CNTN4: variants seen among roughly 807,000 people sequenced by gnomAD.
The protein encoded by CNTN4 is contactin 4.
In CNTN4, 77 loss-of-function variants were observed where a neutral mutation model predicts 122.5. The observed-to-expected ratio is 0.63, with a 90% CI of 0.52 to 0.76. The LOEUF (loss-of-function observed/expected upper bound fraction) is 0.76, where lower values mean the gene tolerates loss of function less well. Ranked by LOEUF, CNTN4 falls within the 30% of genes least tolerant of loss-of-function variation. CNTN4 has a pLI of 0.00. For synonymous variants in CNTN4, 512 were observed against 447.0 expected, an observed-to-expected ratio of 1.15 and a Z score of -1.83; for missense variants, 1,256 against 1,259.1, an observed-to-expected ratio of 1.00 and a Z score of 0.04.
At chr3:2,859,538 G>GTT (rs34103613) in intron 7 of CNTN4, among the ~76,000 whole-genome samples, 75 of 146,314 alleles carry the variant, frequency 5.1e-4, no homozygotes, top group East Asian at 1.4e-3. Flanking sequence ...TGCTTTCCTG[G>GTT]TTTTTTTTTT....
Position 2,287,694 on chromosome 3 carries a change from GA to G in CNTN4, c.-144-51482del, listed in dbSNP as rs1559415791. 4.9e-4 allele frequency among the ~76,000 whole-genome samples: 30 copies of G among 61,816 alleles called. 1 individual carries two copies. Among genetic ancestry groups the G allele is most frequent in the African/African-American group, 8.2e-4 (13 of 15,758 alleles). 40.6% of individuals were successfully genotyped at this position (61,816 alleles called of 152,430 possible). ...AGAAGAAGAAGAAGAAGAAGAAGAG[GA>G]AGAAGAAGAAGAAGAGGAAGAAGAA... On this transcript the variant is annotated intron_variant, in intron 2 of 24. Coordinates refer to ENST00000418658, the MANE Select transcript of CNTN4 (RefSeq NM_175607.3).
chr3:2,868,034 T>G (rs979396021), intron 8 of CNTN4, among the ~76,000 whole-genome samples: 5 of 152,128 alleles, frequency 3.3e-5, no homozygotes, highest in Admixed American at 6.5e-5. Context: ...ATGTTCAGGT[T>G]TCTATTCTTT....
chr3:2,197,397 G>A (rs968068674), intron 2 of CNTN4, among the ~76,000 whole-genome samples: 10 of 152,324 alleles, frequency 6.6e-5, no homozygotes, highest in Admixed American at 6.5e-5. Context: ...GAAAGAATCC[G>A]TATGAATTAT....
intron 4 of CNTN4, among the ~76,000 whole-genome samples, chr3:2,725,907 C>T (rs1406307383): frequency 6.6e-6 from 1 of 152,128 alleles, no homozygotes; most frequent in African/African-American, 2.4e-5. Flanking sequence ...TGGTGTGTAC[C>T]TTTCTATGCA....
rs1158340857 is a variant in CNTN4 at position 2,192,237 on chromosome 3, G to A, written c.-145+91598G>A. 5.3e-5 allele frequency among the ~76,000 whole-genome samples: 8 copies of A among 152,094 alleles called. No homozygotes were observed. The East Asian group carries it at 5.8e-4, about 11-fold the overall frequency. On this transcript the variant is annotated intron_variant, in intron 2 of 24. Transcript: ENST00000418658. ...CAGCATGATTTATATTCCTTTGGGT[G>A]TATACCCATTAATGGGATGGCTGGG...
chr3:2,730,262 C>T (rs775776437), intron 4 of CNTN4, among the ~76,000 whole-genome samples: 18 of 152,108 alleles, frequency 1.2e-4, no homozygotes, highest in African/African-American at 3.1e-4. Flanking sequence ...GTGATTTATA[C>T]AATGTTTTAA....
At chr3:2,649,120 C>G (rs890493498) in intron 4 of CNTN4, among the ~76,000 whole-genome samples, 1 of 152,154 alleles carries the variant, frequency 6.6e-6, no homozygotes, top group East Asian at 1.9e-4. Flanking sequence ...GAAAGAGATG[C>G]CACCTCCTTA....
intron 13 of CNTN4, among the ~76,000 whole-genome samples, chr3:2,935,611 C>T (rs1317511298): frequency 2.0e-5 from 3 of 152,186 alleles, no homozygotes; most frequent in African/African-American, 7.2e-5. Context: ...TGAACATAAC[C>T]TAATTTAAAT....
intron 10 of CNTN4, among the ~76,000 whole-genome samples, chr3:2,889,526 T>G (rs1414173601): frequency 6.6e-6 from 1 of 152,200 alleles, no homozygotes; most frequent in Non-Finnish European, 1.5e-5. Context: ...AGTGAGATGC[T>G]ATGGCTGTGT....
chr3:2,315,412 T>G (rs749587860), intron 2 of CNTN4, among the ~76,000 whole-genome samples: 2 of 152,070 alleles, frequency 1.3e-5, no homozygotes, highest in Non-Finnish European at 2.9e-5. Context: ...TTATCTGAAG[T>G]AAAGAGAGGC....
At chr3:2,259,472 T>C (rs1251107407) in intron 2 of CNTN4, among the ~76,000 whole-genome samples, 2 of 152,190 alleles carry the variant, frequency 1.3e-5, no homozygotes, top group Non-Finnish European at 1.5e-5. Flanking sequence ...TTCACGCTGC[T>C]GATAAAGACA....
intron 2 of CNTN4, among the ~76,000 whole-genome samples, chr3:2,220,808 A>G (rs1421147059): frequency 6.6e-6 from 1 of 152,086 alleles, no homozygotes; most frequent in Non-Finnish European, 1.5e-5. Context: ...TATTGTCTTC[A>G]TTTTTAACTT....
chr3:2,718,389 T>C (rs138738670), intron 4 of CNTN4, among the ~76,000 whole-genome samples: 1 of 152,320 alleles, frequency 6.6e-6, no homozygotes, highest in Non-Finnish European at 1.5e-5. Context: ...AGTAGAAGCA[T>C]ATTAACTGAC....
chr3:2,993,696 A>G (rs1271795092), intron 14 of CNTN4, among the ~76,000 whole-genome samples: 1 of 152,178 alleles, frequency 6.6e-6, no homozygotes, highest in African/African-American at 2.4e-5. Context: ...CAGAAAAGAA[A>G]AATACTTATC....
intron 4 of CNTN4, among the ~76,000 whole-genome samples, chr3:2,690,390 TGAAATTGTCCAGATAC>T: frequency 6.6e-6 from 1 of 152,286 alleles, no homozygotes; most frequent in East Asian, 1.9e-4. Context: ...GCATGATCTT[TGAAATTGTCCAGATAC>T]GTAGCCCCAC....
chr3:2,384,279 A>G (rs1396980288), intron 3 of CNTN4, among the ~76,000 whole-genome samples: 1 of 152,140 alleles, frequency 6.6e-6, no homozygotes, highest in East Asian at 1.9e-4. Flanking sequence ...TAAGTTCACT[A>G]CTTCTGAGCA....
At chr3:3,003,271 G>T (rs1208827916) in intron 14 of CNTN4, among the ~76,000 whole-genome samples, 1 of 152,106 alleles carries the variant, frequency 6.6e-6, no homozygotes, top group Non-Finnish European at 1.5e-5. Flanking sequence ...GTATCAGAAG[G>T]CAAGGAAAAC....
At chr3:2,335,096 A>G (rs1024479304) in intron 2 of CNTN4, among the ~76,000 whole-genome samples, 10 of 152,146 alleles carry the variant, frequency 6.6e-5, no homozygotes, top group Non-Finnish European at 1.0e-4. Flanking sequence ...GAGTACATTT[A>G]TGTTGACAGC....
intron 15 of CNTN4, among the ~76,000 whole-genome samples, chr3:3,027,936 C>T (rs971191844): frequency 1.3e-5 from 2 of 152,164 alleles, no homozygotes; most frequent in South Asian, 4.1e-4. Flanking sequence ...TCTATCTCCC[C>T]TGTTAAACTA....
Sources: allele counts gnomAD v4.1 joint callset (sites outside exome capture counted in the v4.1 genomes callset), GRCh38; gene constraint gnomAD v4.1.1; transcripts MANE v1.5; gene names NCBI Gene and HGNC (gene_info 2026-07-23, HGNC 2026-07-21).